FAM13C: variants seen among roughly 807,000 people sequenced by gnomAD.
FAM13C encodes the protein protein FAM13C.
A neutral mutation model predicts 73.2 loss-of-function variants in FAM13C; 37 were observed. That is an observed-to-expected ratio of 0.51 (90% CI 0.39 to 0.67). The LOEUF is 0.67. Ranked by LOEUF, FAM13C falls within the 30% of genes least tolerant of loss-of-function variation. FAM13C has a pLI of 0.00. For synonymous variants in FAM13C, 246 were observed against 260.9 expected (o/e 0.94, Z 0.55); for missense variants, 589 against 715.6 (o/e 0.82, Z 2.02).
At chr10:59,288,120 C>A (rs1343319188) in intron 5 of FAM13C, among the ~76,000 whole-genome samples, 2 of 152,212 alleles carry the variant, frequency 1.3e-5, no homozygotes, top group African/African-American at 4.8e-5. Context: ...AATTTCACTG[C>A]ACAGGAGTTC....
intron 4 of FAM13C, among the ~76,000 whole-genome samples, chr10:59,310,063 C>G (rs534725429): frequency 1.3e-5 from 2 of 152,274 alleles, no homozygotes; most frequent in East Asian, 3.9e-4. Flanking sequence ...AACCCATGAC[C>G]TAGAAAACCT....
At chr10:59,249,081 G>A (rs35788649) in intron 13 of FAM13C, among the ~76,000 whole-genome samples, 24 of 152,146 alleles carry the variant, frequency 1.6e-4, no homozygotes, top group East Asian at 3.9e-4. Flanking sequence ...GTAATTTTCC[G>A]TAGTTTTGCA....
chr10:59,279,829 A>G (rs767926012), intron 6 of FAM13C, among the ~76,000 whole-genome samples: 4 of 152,200 alleles, frequency 2.6e-5, no homozygotes, highest in African/African-American at 4.8e-5. Flanking sequence ...ATAACAAATT[A>G]CCATAGACTG....
In FAM13C at chr10:59,247,997, G is replaced by A. The variant is rs1260924998; in HGVS notation, c.1635-260C>T. Among the ~76,000 whole-genome samples the A allele has an allele frequency of 2.6e-5, 4 of 152,198 alleles. No individual in the cohort carries two copies. In the East Asian group the frequency reaches 5.8e-4, roughly 22 times the overall value. ...GTCTAGTGCTTAGACTTACAACAAA[G>A]GGGTCAGTGAAAAGATCTAAGGAGA... On this transcript the variant is annotated intron_variant, in intron 13 of 13. Transcript: ENST00000618804.
intron 5 of FAM13C, among the ~76,000 whole-genome samples, chr10:59,287,379 A>T (rs1274633203): frequency 6.8e-6 from 1 of 146,492 alleles, no homozygotes; most frequent in Non-Finnish European, 1.5e-5. Context: ...TAAATGGTAA[A>T]TTTTAGGTTA....
intron 4 of FAM13C, among the ~76,000 whole-genome samples, chr10:59,319,438 C>G (rs886562161): frequency 6.6e-6 from 1 of 152,162 alleles, no homozygotes; most frequent in Non-Finnish European, 1.5e-5. Context: ...GGTTTAATGT[C>G]GTCATAAATT....
chr10:59,337,667 C>CTTTTTTTTTTTTTTTTTTTTTTTTT (rs3078327), intron 3 of FAM13C, among the ~76,000 whole-genome samples: 5 of 70,998 alleles, frequency 7.0e-5, no homozygotes, highest in East Asian at 5.3e-4. Context: ...TTTTCTTTTT[C>CTTTTTTTTTTTTTTTTTTTTTTTTT]TTTTTTTTTT....
intron 4 of FAM13C, among the ~76,000 whole-genome samples, chr10:59,320,829 T>C (rs1188705949): frequency 6.6e-6 from 1 of 152,196 alleles, no homozygotes; most frequent in Non-Finnish European, 1.5e-5. Flanking sequence ...TCCATTTAGG[T>C]TATAGTTCAC....
chr10:59,260,733 T>C (rs2133446732), intron 10 of FAM13C, among the ~76,000 whole-genome samples: 1 of 152,298 alleles, frequency 6.6e-6, no homozygotes, highest in Admixed American at 6.5e-5. Context: ...CCCCAATGGC[T>C]TCGATATCTT....
At chr10:59,269,822 A>G in intron 7 of FAM13C, 77 bp downstream of exon 7, 1 of 1,506,340 alleles carries the variant, frequency 6.6e-7, no homozygotes, top group Non-Finnish European at 9.1e-7. Context: ...TACTTCAGTC[A>G]CACTTCATTG....
chr10:59,280,166 C>A (rs565557142), intron 6 of FAM13C, among the ~76,000 whole-genome samples: 2 of 152,284 alleles, frequency 1.3e-5, no homozygotes, highest in African/African-American at 4.8e-5. Flanking sequence ...GTAGGGTGAC[C>A]AACTGTCCTG....
Position 59,253,224 on chromosome 10 carries a change from A to G in FAM13C, c.1333-226T>C, listed in dbSNP as rs983237552. ...AAGGCAGCAGTCATGCTGGGCTAAA[A>G]CACTCACCAAGTTCATCTGTGTCTT... On this transcript the variant is annotated intron_variant, in intron 11 of 13. Transcript: ENST00000618804. Among the ~76,000 whole-genome samples, 8 of 152,336 alleles carry G rather than the reference A, an allele frequency of 5.3e-5. No individual in the cohort carries two copies. The South Asian group carries it at 1.4e-3, about 28-fold the overall frequency.
intron 3 of FAM13C, among the ~76,000 whole-genome samples, chr10:59,341,842 C>G (rs1025771533): frequency 2.6e-5 from 4 of 152,140 alleles, no homozygotes; most frequent in Admixed American, 1.3e-4. Context: ...CTTCATAATT[C>G]AAGCACATCA....
intron 13 of FAM13C, among the ~76,000 whole-genome samples, chr10:59,250,245 A>G (rs548427480): frequency 1.3e-5 from 2 of 152,354 alleles, no homozygotes; most frequent in East Asian, 3.9e-4. Context: ...GTCCAGACAG[A>G]CAAAGTTACT....
chr10:59,302,954 C>A, intron 4 of FAM13C, 90 bp from the exon 5 acceptor site: 6 of 1,183,348 alleles, frequency 5.1e-6, no homozygotes, highest in South Asian at 1.3e-5. Context: ...CTGGCTGTAC[C>A]CCTGATAAAA....
chr10:59,356,950 G>A (rs1025298829), intron 1 of FAM13C, among the ~76,000 whole-genome samples: 1 of 152,190 alleles, frequency 6.6e-6, no homozygotes, highest in Non-Finnish European at 1.5e-5. Context: ...TGTGCTGGAT[G>A]CTTCCAGCCT....
intron 9 of FAM13C, among the ~76,000 whole-genome samples, chr10:59,263,260 T>G (rs1032960439): frequency 2.0e-5 from 3 of 152,216 alleles, no homozygotes; most frequent in Non-Finnish European, 4.4e-5. Flanking sequence ...GAATTACATT[T>G]TAGAGTATGC....
At chr10:59,274,246 G>A (rs1479597849) in intron 6 of FAM13C, among the ~76,000 whole-genome samples, 1 of 152,120 alleles carries the variant, frequency 6.6e-6, no homozygotes, top group Admixed American at 6.6e-5. Flanking sequence ...TCAGTTTTAG[G>A]TATGTCACAT....
chr10:59,351,459 T>C (rs927629966), intron 3 of FAM13C, among the ~76,000 whole-genome samples: 7 of 152,180 alleles, frequency 4.6e-5, no homozygotes, highest in Non-Finnish European at 8.8e-5. Context: ...GGAAAGATGT[T>C]TCCTTTATTC....
Sources: gnomAD v4.1 joint callset for allele counts (sites outside exome capture counted in the v4.1 genomes callset) on GRCh38, gnomAD v4.1.1 for gene constraint, MANE v1.5 for transcripts, NCBI Gene and HGNC (gene_info 2026-07-23, HGNC 2026-07-21) for gene names.